Variants in MINAR1 observed in about 807,000 individuals in gnomAD.
The protein encoded by MINAR1 is membrane integral NOTCH2 associated receptor 1, also known as major intrinsically disordered Notch2-binding receptor 1.
MINAR1 carries 40 observed loss-of-function variants against 65.1 expected under a neutral mutation model. The ratio of observed to expected loss-of-function variants is 0.61; its 90% CI spans 0.48 to 0.80. The LOEUF (loss-of-function observed/expected upper bound fraction) is 0.80, where lower values mean the gene tolerates loss of function less well. Among genes scored for constraint, MINAR1 ranks in the 30% least tolerant of loss-of-function variants. MINAR1 has a pLI of 0.00. For synonymous variants in MINAR1, 482 were observed against 449.1 expected (o/e 1.07, Z -0.93); for missense variants, 1,128 against 1,148.0 (o/e 0.98, Z 0.25).
upstream of MINAR1, among the ~76,000 whole-genome samples, chr15:79,428,186 TC>T (rs1366990932): frequency 2.1e-5 from 2 of 93,094 alleles, no homozygotes; most frequent in African/African-American, 4.2e-5. Flanking sequence ...CCTCCCTCCC[TC>T]CCCTCCCTCT....
intron 1 of MINAR1, among the ~76,000 whole-genome samples, chr15:79,453,874 C>T (rs1895323464): frequency 6.6e-6 from 1 of 152,134 alleles, no homozygotes; most frequent in African/African-American, 2.4e-5. Flanking sequence ...AGAAATCTTC[C>T]CAGAGAAGCA....
At chr15:79,422,726 T>C in the MINAR1 span, 1 of 151,844 alleles carries the variant, frequency 6.6e-6, no homozygotes, top group African/African-American at 2.4e-5. Flanking sequence ...AAAAGTGTAA[T>C]GAAGCTGCCA....
the MINAR1 span, chr15:79,412,065 ACCACAC>A: frequency 7.1e-6 from 1 of 140,566 alleles, no homozygotes; most frequent in African/African-American, 2.6e-5. Flanking sequence ...GTGCTGGCAA[ACCACAC>A]CATGTTTGCC....
At chr15:79,460,160 T>A (rs1200872118) in intron 2 of MINAR1, among the ~76,000 whole-genome samples, 2 of 152,156 alleles carry the variant, frequency 1.3e-5, no homozygotes, top group African/African-American at 4.8e-5. Flanking sequence ...TTCTCTTTAT[T>A]TTGTCCCCTT....
rs537694386 is a variant in MINAR1, at chr15:79,439,553, G to A, written c.-51+7013G>A. 4.0e-5 allele frequency among the ~76,000 whole-genome samples: 6 copies of A among 151,894 alleles called. No homozygotes were observed. The East Asian group carries it at 1.2e-3, about 29-fold the overall frequency. On this transcript the variant is annotated intron_variant, in intron 1 of 3. Coordinates refer to ENST00000305428, the MANE Select transcript of MINAR1 (RefSeq NM_015206.3). ...GAGACGTGGGTAGATAGTGTCGGAT[G>A]TGGGTTAAGGTAGGTAGTCTGTGGG...
the MINAR1 span, chr15:79,416,858 C>T: frequency 6.6e-6 from 1 of 152,204 alleles, no homozygotes; most frequent in African/African-American, 2.4e-5. Context: ...TAAAAGAGGC[C>T]ATTAGTGTCC....
chr15:79,453,754 T>C (rs2141290666), intron 1 of MINAR1, among the ~76,000 whole-genome samples: 1 of 152,326 alleles, frequency 6.6e-6, no homozygotes, highest in Middle Eastern at 3.4e-3. Context: ...AGGCTTACCA[T>C]ATTTGTTTGT....
chr15:79,468,253 G>C lies in MINAR1; in HGVS notation c.2620G>C (p.Asp874His). The change falls in exon 4 of 4, where the codon GAT (aspartate) becomes CAT (histidine). Residue 874 changes from aspartate to histidine, a missense_variant. Transcript: ENST00000305428. ...GGAAGACATTTATACTCCAGGATAC[G>C]ATTCATTACTAAAACGTAAAGAAGC... ...WMEDIYTPGY[D>H]SLLKRKEAEF... is the part of the protein sequence containing the mutation. The C allele has an allele frequency of 6.2e-7, 1 of 1,614,004 alleles. No individual in the cohort carries two copies. The highest frequency in any genetic ancestry group is 8.5e-7 in the Non-Finnish European group (1 of 1,179,948).
chr15:79,452,868 T>A (rs1275685905), intron 1 of MINAR1, among the ~76,000 whole-genome samples: 1 of 150,508 alleles, frequency 6.6e-6, no homozygotes, highest in African/African-American at 2.5e-5. Flanking sequence ...TCTGTGTGAG[T>A]GTGAAGCTGT....
chr15:79,463,100 C>T lies in MINAR1; in HGVS notation c.2332C>T (p.Arg778Ter), dbSNP rs537222169. 9.3e-6 allele frequency: 15 copies of T among 1,613,968 alleles called. No homozygotes were observed. Among genetic ancestry groups the T allele is most frequent in the Non-Finnish European group, 9.3e-6 (11 of 1,179,972 alleles). Residue 778 changes from arginine (R) to a stop codon, truncating the protein, a stop_gained, in exon 3 of 4, where the codon CGA becomes TGA. Transcript: ENST00000305428. LOFTEE classifies it high-confidence loss of function. ...DRQYDIPPQH[R>*]LPKQPKDGFL... is the part of the protein sequence containing the mutation. ...GCAGTACGACATTCCCCCACAGCAC[C>T]GACTGCCCAAGCAGCCCAAAGATGG...
chr15:79,434,504 G>A (rs1857406155), intron 1 of MINAR1, among the ~76,000 whole-genome samples: 1 of 152,184 alleles, frequency 6.6e-6, no homozygotes, highest in Admixed American at 6.5e-5. Flanking sequence ...CTTGACAAAC[G>A]TGCAGCAGAA....
At chr15:79,463,033 C>A (rs754556538) in intron 2 of MINAR1, 34 bp from the exon 3 acceptor site, 1 of 1,585,428 alleles carries the variant, frequency 6.3e-7, no homozygotes, top group Non-Finnish European at 8.6e-7. Flanking sequence ...GGCAACTGTG[C>A]CACTTGTCTG....
upstream of MINAR1, among the ~76,000 whole-genome samples, chr15:79,431,235 T>C (rs1042835393): frequency 6.6e-5 from 10 of 152,140 alleles, no homozygotes; most frequent in Admixed American, 1.3e-4. Context: ...TGAGATTCCA[T>C]GGCCCCGAAA....
the MINAR1 span, chr15:79,424,708 C>T: frequency 6.6e-6 from 1 of 152,166 alleles, no homozygotes; most frequent in Non-Finnish European, 1.5e-5. Flanking sequence ...GAGATTCATG[C>T]TCGGTAATTT....
rs536211139 is a variant in MINAR1 at position 79,445,201 on chromosome 15, G to T, written c.-50-10897G>T. On this transcript the variant is annotated intron_variant, in intron 1 of 3. Coordinates refer to ENST00000305428, the MANE Select transcript of MINAR1 (RefSeq NM_015206.3). ...ATGTTAATATAATAATAATGTTATA[G>T]CTCACACTTATTAGAGTGCTTATTG... 2.0e-5 allele frequency among the ~76,000 whole-genome samples: 3 copies of T among 151,566 alleles called. No homozygotes were observed. In the South Asian group the frequency reaches 6.3e-4, roughly 32 times the overall value.
rs1365487938 is a variant in MINAR1, at chr15:79,471,349, C to CATTTCATCTTCTTTCA, written c.*2966_*2981dup. Reference sequence around the variant, plus strand: ...CTTAACCAATGATTAAATTCATAATCATTTCATCTTCTTTCATAATCATTT... The same window carrying CATTTCATCTTCTTTCA: ...CTTAACCAATGATTAAATTCATAATCATTTCATCTTCTTTCAATTTCATCTTCTTTCATAATCATTT... On this transcript the variant is annotated 3_prime_UTR_variant, in exon 4 of 4. Coordinates refer to ENST00000305428, the MANE Select transcript of MINAR1 (RefSeq NM_015206.3). 6.6e-5 allele frequency: 10 copies of CATTTCATCTTCTTTCA among 152,562 alleles called. No homozygotes were observed. The highest frequency in any genetic ancestry group is 1.9e-4 in the African/African-American group (8 of 41,422). 9.5% of individuals were successfully genotyped at this position (152,562 alleles called of 1,614,324 possible).
chr15:79,468,902 C>A lies in MINAR1; in HGVS notation c.*518C>A, dbSNP rs987767928. 1.0e-3 allele frequency: 165 copies of A among 161,374 alleles called. 3 individuals are homozygous for A. The highest frequency in any genetic ancestry group is 9.4e-3 in the Admixed American group (163 of 17,432). The allele number at this position is 161,374 out of a possible 1,614,324, so 10.0% of individuals were successfully genotyped here. On this transcript the variant is annotated 3_prime_UTR_variant, in exon 4 of 4. Coordinates refer to ENST00000305428, the MANE Select transcript of MINAR1 (RefSeq NM_015206.3). ...GTATTACTTCTCTGTCGACTTTTAT[C>A]AAGGGCTACTGACGTTTCATTCTTG... is the stretch of plus-strand genomic sequence containing the variant.
At chr15:79,468,123 C>A (rs927877916) in intron 3 of MINAR1, 64 bp from the exon 4 acceptor site, 4 of 1,339,516 alleles carry the variant, frequency 3.0e-6, no homozygotes, top group African/African-American at 1.4e-5. Flanking sequence ...TGATGACTGT[C>A]GGGACGTCTT....
Position 79,468,445 on chromosome 15 carries a change from A to G in MINAR1, c.*61A>G. The G allele has an allele frequency of 6.8e-7, 1 of 1,467,690 alleles. No homozygotes were observed. The highest frequency in any genetic ancestry group is 9.3e-7 in the Non-Finnish European group (1 of 1,070,274). The allele number at this position is 1,467,690 out of a possible 1,614,324, so 90.9% of individuals were successfully genotyped here. A position where few individuals can be genotyped will look rare whatever the true frequency, so the allele number is the denominator to read the frequency against. On this transcript the variant is annotated 3_prime_UTR_variant, in exon 4 of 4. Transcript: ENST00000305428. The stretch of plus-strand genomic sequence containing the variant: ...CCAATGTCGTCGTCTGTATCTTAGA[A>G]TCTTGCAGCAGTGAGGCAACAATTT...
Sources: gnomAD v4.1 joint callset for allele counts (sites outside exome capture counted in the v4.1 genomes callset) on GRCh38, gnomAD v4.1.1 for gene constraint, MANE v1.5 for transcripts, NCBI Gene and HGNC (gene_info 2026-07-23, HGNC 2026-07-21) for gene names.